Variants in POTEH observed in about 807,000 individuals in gnomAD.
The protein encoded by POTEH is ANKRD26-like family C member 3.
POTEH carries 6 observed loss-of-function variants against 41.7 expected under a neutral mutation model. The ratio of observed to expected loss-of-function variants is 0.14; its 90% CI spans 0.08 to 0.28. The LOEUF (loss-of-function observed/expected upper bound fraction) is 0.28. POTEH is among the 10% of genes least tolerant of loss of function. POTEH has a pLI of 1.00. For synonymous variants in POTEH, 38 were observed against 179.9 expected, an observed-to-expected ratio of 0.21 and a Z score of 6.31; for missense variants, 115 against 533.5, an observed-to-expected ratio of 0.22 and a Z score of 7.73.
At chr22:15,713,285 CCTCATTTTATT>C (rs1387691333) in intron 9 of POTEH, among the ~76,000 whole-genome samples, 1 of 152,288 alleles carries the variant, frequency 6.6e-6, no homozygotes, top group Non-Finnish European at 1.5e-5. Flanking sequence ...TTTTCTTACA[CCTCATTTTATT>C]TAATCTGTCA....
At chr22:15,691,926 T>C (rs1212750215) in intron 1 of POTEH, among the ~76,000 whole-genome samples, 6 of 147,070 alleles carry the variant, frequency 4.1e-5, no homozygotes, top group Non-Finnish European at 9.1e-5. Flanking sequence ...AAATTTTAAA[T>C]ATACAAAAAG....
intron 1 of POTEH, among the ~76,000 whole-genome samples, chr22:15,691,815 G>A: frequency 6.7e-6 from 1 of 149,242 alleles, no homozygotes; most frequent in South Asian, 2.1e-4. Flanking sequence ...GCTTGATAAT[G>A]GTGATGTTTT....
chr22:15,692,431 G>A (rs1989344010), intron 1 of POTEH, among the ~76,000 whole-genome samples: 1 of 147,488 alleles, frequency 6.8e-6, no homozygotes, highest in African/African-American at 2.5e-5. Flanking sequence ...GTTAGAAGAG[G>A]AATGAAATAC....
chr22:15,711,420 G>A (rs1195907012), intron 9 of POTEH, among the ~76,000 whole-genome samples: 2 of 151,564 alleles, frequency 1.3e-5, no homozygotes, highest in African/African-American at 4.9e-5. Flanking sequence ...CCCTCAAGTA[G>A]GCCCCAGTGT....
intron 9 of POTEH, among the ~76,000 whole-genome samples, chr22:15,714,737 AATG>A (rs1257905509): frequency 2.1e-5 from 3 of 144,622 alleles, no homozygotes; most frequent in Non-Finnish European, 4.5e-5. Context: ...TCCAGAGAAA[AATG>A]AAGAAAAAGA....
chr22:15,691,416 C>A (rs1363698086), intron 1 of POTEH, among the ~76,000 whole-genome samples: 2 of 125,384 alleles, frequency 1.6e-5, no homozygotes, highest in African/African-American at 5.7e-5. Flanking sequence ...GTCCCAGCTA[C>A]TCAGGAGGCT....
chr22:15,693,517 A>T (rs1235659547), intron 1 of POTEH, among the ~76,000 whole-genome samples: 1 of 151,924 alleles, frequency 6.6e-6, no homozygotes, highest in African/African-American at 2.4e-5. Context: ...ACATGTAAAA[A>T]GTATGAATTA....
chr22:15,714,272 T>G (rs1253407122), intron 9 of POTEH, among the ~76,000 whole-genome samples: 3 of 152,336 alleles, frequency 2.0e-5, no homozygotes, highest in Non-Finnish European at 4.4e-5. Context: ...TTTTAAAAAC[T>G]TCCCCTTTCA....
intron 1 of POTEH, among the ~76,000 whole-genome samples, chr22:15,692,614 G>T (rs566084948): frequency 2.1e-5 from 2 of 93,608 alleles, no homozygotes; most frequent in East Asian, 5.0e-4. Flanking sequence ...AATTAGCTGC[G>T]CATGGTAGCA....
rs1310546920 is a variant in POTEH at position 15,690,121 on chromosome 22, A to G, written c.44A>G (p.Lys15Arg). The change falls in exon 1 of 11, where the codon AAG becomes AGG. Residue 15 changes from lysine to arginine, a missense_variant. By Grantham distance (26) the Lys-to-Arg change is conservative. Transcript: ENST00000343518. ...TCAATGCCGGCTGCCTCCTCTGTGAAGAAGCCATTTGGTCTCAGAAGCAAG... is the reference window on the plus strand; with the variant it reads ...TCAATGCCGGCTGCCTCCTCTGTGAGGAAGCCATTTGGTCTCAGAAGCAAG... The part of the protein sequence containing the change: ...AGSMPAASSV[K>R]KPFGLRSKMG... 4 of 1,407,966 alleles carry G rather than the reference A, an allele frequency of 2.8e-6. 1 individual carries two copies. Among genetic ancestry groups the G allele is most frequent in the Admixed American group, 2.0e-5 (1 of 51,094 alleles). 87.2% of individuals were successfully genotyped at this position (1,407,966 alleles called of 1,614,324 possible). A position where few individuals can be genotyped will look rare whatever the true frequency, so the allele number is the denominator to read the frequency against.
chr22:15,713,694 T>A (rs1989868158), intron 9 of POTEH, among the ~76,000 whole-genome samples: 3 of 152,416 alleles, frequency 2.0e-5, no homozygotes, highest in Admixed American at 2.0e-4. Flanking sequence ...GTGACAGGGT[T>A]TCCCCATGTT....
At chr22:15,696,852 G>A (rs1989440513) in intron 3 of POTEH, among the ~76,000 whole-genome samples, 1 of 144,460 alleles carries the variant, frequency 6.9e-6, no homozygotes, top group African/African-American at 2.6e-5. Context: ...ATAAGAAAGG[G>A]AATTGGTTAT....
At chr22:15,717,806 G>T (rs1989938488) in intron 9 of POTEH, among the ~76,000 whole-genome samples, 1 of 152,232 alleles carries the variant, frequency 6.6e-6, no homozygotes. Flanking sequence ...GTTTAATTAG[G>T]TCTTATTTAT....
Position 15,690,568 on chromosome 22 carries a change from C to A in POTEH, c.491C>A (p.Ala164Asp), listed in dbSNP as rs1569282971. ...CCTTGGGGAGACTACGACGACAGCG[C>A]TTTCATGGAGCCGAGGTACCACGTC... ...VGPWGDYDDS[A>D]FMEPRYHVRR... The change falls in exon 1 of 11, where the codon GCT (alanine) becomes GAT (aspartate). Residue 164 changes from alanine to aspartate, a missense_variant. By Grantham distance (126) the Ala-to-Asp change is moderately radical (BLOSUM62 -2). Coordinates refer to ENST00000343518, the MANE Select transcript of POTEH (RefSeq NM_001136213.1). 2 of 1,424,668 alleles carry A rather than the reference C, an allele frequency of 1.4e-6. No homozygotes were observed. The highest frequency in any genetic ancestry group is 1.9e-6 in the Non-Finnish European group (2 of 1,026,472). The allele number at this position is 1,424,668 out of a possible 1,614,324, so 88.3% of individuals were successfully genotyped here.
intron 1 of POTEH, among the ~76,000 whole-genome samples, chr22:15,692,429 A>C (rs1283592062): frequency 6.8e-6 from 1 of 147,634 alleles, no homozygotes; most frequent in Non-Finnish European, 1.5e-5. Context: ...AAGTTAGAAG[A>C]GGAATGAAAT....
intron 1 of POTEH, among the ~76,000 whole-genome samples, chr22:15,692,523 A>G (rs1427682525): frequency 7.3e-6 from 1 of 136,292 alleles, no homozygotes. Flanking sequence ...TAGGAGGCTG[A>G]GGCAGGTGGA....
intron 6 of POTEH, 95 bp downstream of exon 6, chr22:15,702,851 T>TG: frequency 7.8e-6 from 2 of 257,038 alleles, no homozygotes; most frequent in Non-Finnish European, 1.3e-5. Context: ...TTCCATGGGC[T>TG]GGGGAAAGGT....
At chr22:15,707,671 CATTT>C (rs1321927577) in intron 6 of POTEH, among the ~76,000 whole-genome samples, 1 of 135,596 alleles carries the variant, frequency 7.4e-6, no homozygotes, top group Non-Finnish European at 1.6e-5. Flanking sequence ...TTTTGGAAAT[CATTT>C]ATAAGGTACT....
intron 1 of POTEH, among the ~76,000 whole-genome samples, chr22:15,692,704 G>A (rs1346143534): frequency 1.7e-5 from 2 of 121,212 alleles, no homozygotes; most frequent in Non-Finnish European, 3.7e-5. Flanking sequence ...GCAGTGAGCC[G>A]AGATCGTGCC....
Sources: allele counts gnomAD v4.1 joint callset (sites outside exome capture counted in the v4.1 genomes callset), GRCh38; gene constraint gnomAD v4.1.1; transcripts MANE v1.5; gene names NCBI Gene and HGNC (gene_info 2026-07-23, HGNC 2026-07-21).